The following RBFOX1 variants were observed in gnomAD, a reference collection of about 807,000 sequenced individuals.
RBFOX1 encodes RNA binding fox-1 homolog 1.
RBFOX1 carries 8 observed loss-of-function variants against 57.7 expected under a neutral mutation model. The observed-to-expected ratio is 0.14, with a 90% confidence interval of 0.08 to 0.25. The LOEUF is 0.25. Ranked by LOEUF, RBFOX1 falls within the 10% of genes least tolerant of loss-of-function variation. The pLI is 1.00. For missense variants in RBFOX1, 611 were observed against 548.5 expected, an observed-to-expected ratio of 1.11 and a Z score of -1.14; for synonymous variants, 326 against 222.4, an observed-to-expected ratio of 1.47 and a Z score of -4.15.
intron 4 of RBFOX1, among the ~76,000 whole-genome samples, chr16:7,115,112 C>A (rs574401106): frequency 2.0e-5 from 3 of 152,086 alleles, no homozygotes; most frequent in Non-Finnish European, 4.4e-5. Flanking sequence ...TATATAATAT[C>A]CTTCGATTAA....
At chr16:6,244,269 A>G (rs1231664716) in intron 1 of RBFOX1, among the ~76,000 whole-genome samples, 2 of 152,030 alleles carry the variant, frequency 1.3e-5, no homozygotes, top group African/African-American at 4.8e-5. Context: ...CATTTCCTGC[A>G]GAATGAAATC....
At position 5,270,396 on chromosome 16, in the gene RBFOX1, A is replaced by C; in HGVS notation, c.219+30291A>C. 4.7e-6 allele frequency: 6 copies of C among 1,275,342 alleles called. No homozygotes were observed. The Admixed American group carries it at 5.1e-5, about 11-fold the overall frequency. 79.0% of individuals were successfully genotyped at this position (1,275,342 alleles called of 1,614,324 possible). On this transcript the variant is annotated intron_variant, in intron 1 of 2. Transcript: ENST00000585867. The stretch of plus-strand genomic sequence containing the variant: ...TTTGAAGTGAGTCTTGCTGATGTGC[A>C]GAATGATGAAGTTGCATTTAGAAAA...
At position 6,801,201 on chromosome 16, in the gene RBFOX1, A is replaced by C. The variant is rs1275843402; in HGVS notation, c.-16+146551A>C. On this transcript the variant is annotated intron_variant, in intron 3 of 15. Coordinates refer to ENST00000550418, the MANE Select transcript of RBFOX1 (RefSeq NM_018723.4). Reference sequence around the variant, plus strand: ...GGCAAGAATCAAGATTGAACATGCAAAAAAAAAAAAAAAAAAGTAACGTTA... The same window carrying C: ...GGCAAGAATCAAGATTGAACATGCACAAAAAAAAAAAAAAAAGTAACGTTA... Among the ~76,000 whole-genome samples, 8 of 73,210 alleles carry C rather than the reference A, an allele frequency of 1.1e-4. No homozygotes were observed. The African/African-American group carries it at 1.5e-3, about 14-fold the overall frequency. The allele number at this position is 73,210 out of a possible 152,430, so 48.0% of individuals were successfully genotyped here. A position where few individuals can be genotyped will look rare whatever the true frequency, so the allele number is the denominator to read the frequency against.
At chr16:5,294,967 C>T (rs2063628063) in intron 1 of RBFOX1, among the ~76,000 whole-genome samples, 1 of 140,542 alleles carries the variant, frequency 7.1e-6, no homozygotes, top group South Asian at 2.3e-4. Context: ...GAGGCAGAGA[C>T]TGCAGTGAGC....
At chr16:6,552,951 T>C (rs2097019687) in intron 2 of RBFOX1, among the ~76,000 whole-genome samples, 1 of 152,176 alleles carries the variant, frequency 6.6e-6, no homozygotes. Context: ...TCTTTTCTAA[T>C]TAAAAATTTT....
At chr16:6,378,029 C>T (rs889064682) in intron 2 of RBFOX1, among the ~76,000 whole-genome samples, 26 of 152,308 alleles carry the variant, frequency 1.7e-4, no homozygotes, top group South Asian at 4.1e-4. Context: ...TCTTCCTCTG[C>T]GTCCTCTGGT....
At chr16:5,623,544 G>A (rs1012910905) in intron 3 of RBFOX1, among the ~76,000 whole-genome samples, 1 of 150,486 alleles carries the variant, frequency 6.6e-6, no homozygotes, top group African/African-American at 2.4e-5. Flanking sequence ...TGGTACAGGT[G>A]CAGGTGGCCG....
intron 1 of RBFOX1, among the ~76,000 whole-genome samples, chr16:5,373,119 G>A (rs1238798931): frequency 6.6e-6 from 1 of 152,234 alleles, no homozygotes; most frequent in Non-Finnish European, 1.5e-5. Flanking sequence ...GTGGGGAGGA[G>A]GAGGACGTGA....
intron 4 of RBFOX1, among the ~76,000 whole-genome samples, chr16:7,132,502 C>A (rs1447098302): frequency 6.9e-6 from 1 of 144,824 alleles, no homozygotes; most frequent in South Asian, 2.3e-4. Context: ...TCTTGAATAA[C>A]ATAAGACAAA....
chr16:7,358,084 G>T (rs1173486730), intron 4 of RBFOX1, among the ~76,000 whole-genome samples: 2 of 152,272 alleles, frequency 1.3e-5, no homozygotes, highest in Middle Eastern at 3.4e-3. Flanking sequence ...GCTGATCTTC[G>T]ATAGGTAATT....
chr16:5,512,685 C>A (rs1460694268), intron 2 of RBFOX1, among the ~76,000 whole-genome samples: 1 of 152,166 alleles, frequency 6.6e-6, no homozygotes, highest in Admixed American at 6.5e-5. Context: ...TTCCTGCATA[C>A]CCACCCCCAA....
chr16:7,456,754 G>C lies in RBFOX1; in HGVS notation c.28-61393G>C, dbSNP rs148615063. ...CCACCTATGGCTGTGCTCTGTGCAA[G>C]CAGGCCTGCAGTGGTAGCAATTGCA... On this transcript the variant is annotated intron_variant, in intron 4 of 15. Coordinates refer to ENST00000550418, the MANE Select transcript of RBFOX1 (RefSeq NM_018723.4). 5.6e-3 allele frequency among the ~76,000 whole-genome samples: 847 copies of C among 152,282 alleles called. 9 individuals carry two copies. The highest frequency in any genetic ancestry group is 0.01 in the Non-Finnish European group (683 of 68,012).
chr16:7,266,406 G>C (rs763458058), intron 4 of RBFOX1, among the ~76,000 whole-genome samples: 2 of 152,176 alleles, frequency 1.3e-5, no homozygotes, highest in African/African-American at 4.8e-5. Flanking sequence ...CTGAGGCTTC[G>C]CTGGAAGCCC....
At position 6,819,731 on chromosome 16, in the gene RBFOX1, A is replaced by AG. The variant is rs59570865; in HGVS notation, c.-16+165081_-16+165082insG. On this transcript the variant is annotated intron_variant, in intron 3 of 15. Transcript: ENST00000550418. Reference sequence around the variant, plus strand: ...AAAAAAAAAAAAAAAAAAAAAAAAAATAACAACACCAAAAGGTATATAGTA... The same window carrying AG: ...AAAAAAAAAAAAAAAAAAAAAAAAAAGTAACAACACCAAAAGGTATATAGTA... Among the ~76,000 whole-genome samples the AG allele has an allele frequency of 9.1e-4, 75 of 82,832 alleles. 5 individuals carry two copies. The highest frequency in any genetic ancestry group is 3.3e-3 in the African/African-American group (72 of 21,872). 54.3% of individuals were successfully genotyped at this position (82,832 alleles called of 152,430 possible).
chr16:7,269,688 CTAT>C (rs1333861843), intron 4 of RBFOX1, among the ~76,000 whole-genome samples: 2 of 152,166 alleles, frequency 1.3e-5, no homozygotes, highest in Non-Finnish European at 2.9e-5. Flanking sequence ...TTCTCCCTTA[CTAT>C]TATTAAGAAT....
rs534793606 is a variant in RBFOX1 at position 6,377,125 on chromosome 16, A to C, written c.-64+60068A>C. Among the ~76,000 whole-genome samples, 107 of 152,020 alleles carry C rather than the reference A, an allele frequency of 7.0e-4. 2 individuals are homozygous for C. In the South Asian group the frequency reaches 0.011, roughly 16 times the overall value. On this transcript the variant is annotated intron_variant, in intron 2 of 15. Transcript: ENST00000550418. ...CCATCCCTACAAAAAAAAATTAAAA[A>C]TTAGCTGAGCACGGTGGCCTGTGCC...
chr16:5,483,940 G>C (rs979645758), intron 2 of RBFOX1, among the ~76,000 whole-genome samples: 1 of 152,122 alleles, frequency 6.6e-6, no homozygotes, highest in Admixed American at 6.5e-5. Flanking sequence ...AGAGGTAGAG[G>C]CAGGAGGATT....
intron 2 of RBFOX1, among the ~76,000 whole-genome samples, chr16:6,502,053 T>G (rs901134186): frequency 1.3e-5 from 2 of 152,176 alleles, no homozygotes; most frequent in African/African-American, 4.8e-5. Flanking sequence ...TAACCCTGGT[T>G]TCCTAGTTTC....
Position 6,256,245 on chromosome 16 carries a change from A to ATATATATG in RBFOX1, c.-126-60749_-126-60748insATATATGT, listed in dbSNP as rs2097664994. Among the ~76,000 whole-genome samples, 4 of 79,488 alleles carry ATATATATG rather than the reference A, an allele frequency of 5.0e-5. No homozygotes were observed. The South Asian group carries it at 1.8e-3, about 36-fold the overall frequency. The allele number at this position is 79,488 out of a possible 152,430, so 52.1% of individuals were successfully genotyped here. A position where few individuals can be genotyped will look rare whatever the true frequency, so the allele number is the denominator to read the frequency against. ...TGTATATATATATGTGTATATATAT[A>ATATATATG]TGTATATATATGTGTATATATATAT... On this transcript the variant is annotated intron_variant, in intron 1 of 15. Coordinates refer to ENST00000550418, the MANE Select transcript of RBFOX1 (RefSeq NM_018723.4).
Sources: allele counts gnomAD v4.1 joint callset (sites outside exome capture counted in the v4.1 genomes callset), GRCh38; gene constraint gnomAD v4.1.1; transcripts MANE v1.5; gene names NCBI Gene and HGNC (gene_info 2026-07-23, HGNC 2026-07-21).